The following BLOC1S6 variants were observed in gnomAD, a reference collection of about 807,000 sequenced individuals.
BLOC1S6 encodes the protein biogenesis of lysosomal organelles complex 1 subunit 6, also known as biogenesis of lysosome-related organelles complex 1 subunit 6.
BLOC1S6 carries 24 observed loss-of-function variants against 24.7 expected under a neutral mutation model. The ratio of observed to expected loss-of-function variants is 0.97; its 90% CI spans 0.70 to 1.37. The LOEUF (loss-of-function observed/expected upper bound fraction) is 1.37, where lower values mean the gene tolerates loss of function less well. BLOC1S6 is among the 40% of genes most tolerant of loss of function. BLOC1S6 has a pLI of 0.00. For missense variants in BLOC1S6, 175 were observed against 196.2 expected (o/e 0.89, Z 0.64); for synonymous variants, 76 against 72.6 (o/e 1.05, Z -0.23).
intron 4 of BLOC1S6, 58 bp downstream of exon 4, chr15:45,605,572 T>TG: frequency 2.3e-6 from 3 of 1,296,426 alleles, no homozygotes; most frequent in East Asian, 4.8e-5. Context: ...TGTTTTTTGT[T>TG]GTTTTTTTTT....
chr15:45,606,396 A>G lies in BLOC1S6; in HGVS notation c.401A>G (p.Lys134Arg). ...TTTTAAATTTTTTTTTTAACACAGA[A>G]AAGAGCACTTAAACTGCAGCAGAAG... ...MLHEKTSKLK[K>R]RALKLQQKRQ... Residue 134 changes from lysine (K) to arginine (R), a missense_variant and splice_region_variant, in exon 5 of 5, where the codon AAA becomes AGA. By Grantham distance (26) the Lys-to-Arg change is conservative. Transcript: ENST00000220531. 1 of 1,613,890 alleles carries G rather than the reference A, an allele frequency of 6.2e-7. No homozygotes were observed. Among genetic ancestry groups the G allele is most frequent in the Middle Eastern group, 1.6e-4 (1 of 6,062 alleles).
At chr15:45,600,036 A>G (rs1894213556) in intron 2 of BLOC1S6, among the ~76,000 whole-genome samples, 1 of 151,136 alleles carries the variant, frequency 6.6e-6, no homozygotes, top group Non-Finnish European at 1.5e-5. Flanking sequence ...TTGTAGGGAC[A>G]TGGATGAAAT....
Position 45,606,388 on chromosome 15 carries a change from A to G in BLOC1S6, c.400-7A>G, listed in dbSNP as rs1295525760. 3 of 1,612,970 alleles carry G rather than the reference A, an allele frequency of 1.9e-6. No homozygotes were observed. The East Asian group carries it at 6.7e-5, about 36-fold the overall frequency. ...CTCTTGGTTTTTAAATTTTTTTTTTAACACAGAAAAGAGCACTTAAACTGC... is the reference window on the plus strand; with the variant it reads ...CTCTTGGTTTTTAAATTTTTTTTTTGACACAGAAAAGAGCACTTAAACTGC... On this transcript the variant is annotated splice_region_variant and splice_polypyrimidine_tract_variant and intron_variant, in intron 4 of 4. Coordinates refer to ENST00000220531, the MANE Select transcript of BLOC1S6 (RefSeq NM_012388.4).
intron 2 of BLOC1S6, chr15:45,597,818 TA>T (rs1894132198): frequency 3.7e-5 from 11 of 297,596 alleles, no homozygotes; most frequent in South Asian, 2.9e-4. Flanking sequence ...ACAAAGACAG[TA>T]TTATTGCTTT....
chr15:45,587,902 C>T, intron 1 of BLOC1S6: 1 of 612,104 alleles, frequency 1.6e-6, no homozygotes, highest in Non-Finnish European at 2.9e-6. Flanking sequence ...ATATTGACCA[C>T]TCATGAAATG....
In BLOC1S6 at chr15:45,609,346, AAAC is replaced by A. The variant is rs1595562522; in HGVS notation, c.*2836_*2838del. 1.3e-5 allele frequency: 2 copies of A among 152,142 alleles called. No homozygotes were observed. Among genetic ancestry groups the A allele is most frequent in the East Asian group, 3.8e-4 (2 of 5,208 alleles). The allele number at this position is 152,142 out of a possible 1,614,324, so 9.4% of individuals were successfully genotyped here. On this transcript the variant is annotated 3_prime_UTR_variant, in exon 5 of 5. Coordinates refer to ENST00000220531, the MANE Select transcript of BLOC1S6 (RefSeq NM_012388.4). ...CTAAAAACAAAACAAACAAACAAAC[AAAC>A]AACGTATCTTACTGACTAAACTGGA...
intron 2 of BLOC1S6, among the ~76,000 whole-genome samples, chr15:45,601,682 T>C (rs1566903563): frequency 6.6e-6 from 1 of 152,154 alleles, no homozygotes; most frequent in Non-Finnish European, 1.5e-5. Flanking sequence ...TCAATTTTAT[T>C]GATCTTTTAA....
chr15:45,591,909 A>G (rs920272343), intron 1 of BLOC1S6: 7 of 533,740 alleles, frequency 1.3e-5, no homozygotes, highest in South Asian at 8.5e-5. Flanking sequence ...TGTGCCCTCA[A>G]CCCCATTTGT....
At chr15:45,592,816 T>C (rs1893933431) in intron 2 of BLOC1S6, among the ~76,000 whole-genome samples, 1 of 152,142 alleles carries the variant, frequency 6.6e-6, no homozygotes, top group African/African-American at 2.4e-5. Flanking sequence ...TACAAAAACA[T>C]ATACTCTGGC....
Position 45,601,387 on chromosome 15 carries a change from C to T in BLOC1S6, c.225-1713C>T, listed in dbSNP as rs556250591. On this transcript the variant is annotated intron_variant, in intron 2 of 4. Transcript: ENST00000220531. ...AATTACCAGTGAAGCCGTTTGGTCC[C>T]GGTACTGTCTTTTTTGGAAGGTTAT... 4.5e-5 allele frequency: 7 copies of T among 154,392 alleles called. No individual in the cohort carries two copies. The South Asian group carries it at 6.1e-4, about 13-fold the overall frequency. The allele number at this position is 154,392 out of a possible 1,614,324, so 9.6% of individuals were successfully genotyped here. A position where few individuals can be genotyped will look rare whatever the true frequency, so the allele number is the denominator to read the frequency against.
intron 1 of BLOC1S6, chr15:45,587,938 C>T (rs1404180647): frequency 1.7e-6 from 1 of 595,056 alleles, no homozygotes; most frequent in Non-Finnish European, 3.0e-6. Flanking sequence ...GATATTACTT[C>T]ATCCCTATTC....
chr15:45,587,662 A>G, intron 1 of BLOC1S6, 137 bp downstream of exon 1: 1 of 884,740 alleles, frequency 1.1e-6, no homozygotes, highest in East Asian at 2.6e-5. Context: ...CCCCGAGTGC[A>G]GAAATGGGGA....
intron 1 of BLOC1S6, among the ~76,000 whole-genome samples, chr15:45,589,510 T>C (rs1156943430): frequency 6.6e-6 from 1 of 152,244 alleles, no homozygotes; most frequent in Non-Finnish European, 1.5e-5. Flanking sequence ...TAGGAATTTT[T>C]CTTAGACTTC....
intron 2 of BLOC1S6, among the ~76,000 whole-genome samples, chr15:45,594,935 G>C (rs1401789923): frequency 6.6e-6 from 1 of 152,080 alleles, no homozygotes; most frequent in African/African-American, 2.4e-5. Flanking sequence ...GGTCAGGAAA[G>C]CACTGTACTT....
chr15:45,589,364 G>T (rs1190136935), intron 1 of BLOC1S6, among the ~76,000 whole-genome samples: 2 of 152,230 alleles, frequency 1.3e-5, no homozygotes, highest in African/African-American at 4.8e-5. Context: ...AGGGTAAGAA[G>T]AAGTATTTTT....
rs550994734 is a variant in BLOC1S6, at chr15:45,595,892, C to T, written c.224+3616C>T. ...GCACGATCTCGGCTCACCACAACGT[C>T]TGCCTCCTGGGTTCAAGCGATTCTC... On this transcript the variant is annotated intron_variant, in intron 2 of 4. Transcript: ENST00000220531. 2.0e-5 allele frequency among the ~76,000 whole-genome samples: 3 copies of T among 152,296 alleles called. No individual in the cohort carries two copies. In the East Asian group the frequency reaches 5.8e-4, roughly 29 times the overall value.
intron 2 of BLOC1S6, among the ~76,000 whole-genome samples, chr15:45,593,699 T>A (rs559367752): frequency 1.3e-5 from 2 of 152,324 alleles, no homozygotes; most frequent in South Asian, 4.1e-4. Flanking sequence ...GTGTTTCGAA[T>A]AGCCCCTACT....
rs199640207 is a variant in BLOC1S6, at chr15:45,605,413, T to G, written c.313-15T>G. 1.7e-5 allele frequency: 27 copies of G among 1,585,752 alleles called. No individual in the cohort carries two copies. Among genetic ancestry groups the G allele is most frequent in the Non-Finnish European group, 3.5e-6 (4 of 1,155,474 alleles). ...CTATTTTAACTTGACTTTTCATTTATTTTTCCATGTTAAGTTTGCTGAGGC... is the reference window on the plus strand; with the variant it reads ...CTATTTTAACTTGACTTTTCATTTAGTTTTCCATGTTAAGTTTGCTGAGGC... On this transcript the variant is annotated splice_polypyrimidine_tract_variant and intron_variant, in intron 3 of 4. Coordinates refer to ENST00000220531, the MANE Select transcript of BLOC1S6 (RefSeq NM_012388.4).
intron 1 of BLOC1S6, 146 bp downstream of exon 1, chr15:45,587,671 G>A (rs986773602): frequency 3.7e-6 from 3 of 815,670 alleles, no homozygotes; most frequent in Admixed American, 2.1e-5. Context: ...CAGAAATGGG[G>A]AACCGCGCCG....
Sources: gnomAD v4.1 joint callset for allele counts (sites outside exome capture counted in the v4.1 genomes callset) on GRCh38, gnomAD v4.1.1 for gene constraint, MANE v1.5 for transcripts, NCBI Gene and HGNC (gene_info 2026-07-23, HGNC 2026-07-21) for gene names.